The following PHF24 variants were observed in gnomAD, a reference collection of about 807,000 sequenced individuals.
PHF24 encodes the protein Galpha inhibitory interacting protein.
Under a neutral mutation model 42.6 loss-of-function variants are expected in PHF24, and 25 were observed. The observed-to-expected ratio is 0.59, with a 90% CI of 0.43 to 0.82. PHF24 has a LOEUF of 0.82. PHF24 is among the 40% of genes least tolerant of loss of function. The pLI, the probability that PHF24 is intolerant of heterozygous loss-of-function variation, is 0.00. For missense variants in PHF24, 470 were observed against 538.1 expected (o/e 0.87, Z 1.25); for synonymous variants, 185 against 204.8 (o/e 0.90, Z 0.83).
chr9:34,976,095 C>T, intron 3 of PHF24, 57 bp from the exon 4 acceptor site: 5 of 1,205,916 alleles, frequency 4.1e-6, no homozygotes, highest in Non-Finnish European at 6.2e-6. Context: ...GCCCCCTTGA[C>T]CCTGGCCTTT....
At chr9:34,969,634 C>CT (rs1826902312) in intron 1 of PHF24, among the ~76,000 whole-genome samples, 1 of 145,568 alleles carries the variant, frequency 6.9e-6, no homozygotes, top group African/African-American at 2.6e-5. Context: ...GAGCGAGACT[C>CT]TGTCTCAAAA....
At chr9:34,831,378 G>T in the PHF24 span, among the ~76,000 whole-genome samples, 1 of 152,162 alleles carries the variant, frequency 6.6e-6, no homozygotes, top group Non-Finnish European at 1.5e-5. Context: ...GTGGAGAAGG[G>T]CTCCAGGCAC....
chr9:34,936,353 A>C, the PHF24 span, among the ~76,000 whole-genome samples: 1 of 152,182 alleles, frequency 6.6e-6, no homozygotes, highest in Non-Finnish European at 1.5e-5. Context: ...TTGCAGACGG[A>C]GTCTCGTTCA....
At chr9:34,946,789 C>T in the PHF24 span, among the ~76,000 whole-genome samples, 35 of 151,696 alleles carry the variant, frequency 2.3e-4, no homozygotes, top group African/African-American at 8.2e-4. Context: ...AAGATCCAGA[C>T]CAGGGTGATG....
At chr9:34,955,607 G>T (rs1826354410), upstream of PHF24, among the ~76,000 whole-genome samples, 3 of 152,272 alleles carry the variant, frequency 2.0e-5, no homozygotes, top group South Asian at 6.2e-4. Context: ...AACCTGGGAG[G>T]CGGAGGTTGC....
chr9:34,867,523 G>A, the PHF24 span, among the ~76,000 whole-genome samples: 1 of 152,166 alleles, frequency 6.6e-6, no homozygotes, highest in South Asian at 2.1e-4. Flanking sequence ...GGCTTCAAGA[G>A]CACTGTAGTA....
chr9:34,948,519 TA>T, the PHF24 span, among the ~76,000 whole-genome samples: 34 of 152,182 alleles, frequency 2.2e-4, no homozygotes, highest in African/African-American at 7.7e-4. Context: ...GTACCTTTTA[TA>T]TGGTTAGATA....
the PHF24 span, among the ~76,000 whole-genome samples, chr9:34,694,695 C>G: frequency 6.6e-6 from 1 of 152,108 alleles, no homozygotes; most frequent in East Asian, 1.9e-4. Flanking sequence ...TCTCAAATTC[C>G]TGACCTCAGG....
the PHF24 span, among the ~76,000 whole-genome samples, chr9:34,780,416 C>A: frequency 3.3e-5 from 5 of 149,316 alleles, no homozygotes; most frequent in Non-Finnish European, 5.9e-5. Context: ...CCCGCCTCAG[C>A]CTCCCGAGTA....
At chr9:34,848,032 G>A in the PHF24 span, among the ~76,000 whole-genome samples, 26 of 152,202 alleles carry the variant, frequency 1.7e-4, no homozygotes, top group Middle Eastern at 3.4e-3. Flanking sequence ...TTGCATCAAT[G>A]TTCATCAAGG....
At chr9:34,826,524 CTT>C in the PHF24 span, among the ~76,000 whole-genome samples, 5 of 152,218 alleles carry the variant, frequency 3.3e-5, no homozygotes, top group Non-Finnish European at 5.9e-5. Context: ...TCCTGTGTCC[CTT>C]GCCCTCCCTG....
At chr9:34,953,400 G>A (rs1227657523), upstream of PHF24, among the ~76,000 whole-genome samples, 4 of 152,078 alleles carry the variant, frequency 2.6e-5, no homozygotes, top group African/African-American at 9.7e-5. The surrounding 1 kb of genome is among the most constrained non-coding windows in gnomAD (Gnocchi z 4.1). Context: ...ATCCTCTGAA[G>A]GCACTGGGAT....
the PHF24 span, chr9:34,888,917 G>A: frequency 5.1e-6 from 2 of 395,864 alleles, no homozygotes; most frequent in Non-Finnish European, 8.9e-6. Context: ...TCTAGGGTGG[G>A]GCTGGGAGGA....
the PHF24 span, chr9:34,833,511 C>T: frequency 1.3e-6 from 2 of 1,551,310 alleles, no homozygotes; most frequent in East Asian, 4.9e-5. Flanking sequence ...TTTAGACTTT[C>T]AAGAGACTTC....
chr9:34,892,259 A>G, the PHF24 span, among the ~76,000 whole-genome samples: 44 of 152,318 alleles, frequency 2.9e-4, no homozygotes, highest in African/African-American at 9.1e-4. Context: ...CTCTGAGTCC[A>G]TAGTGGATCC....
the PHF24 span, among the ~76,000 whole-genome samples, chr9:34,915,026 C>CTTTTTTTTTTT: frequency 8.7e-3 from 324 of 37,234 alleles, no homozygotes; most frequent in Non-Finnish European, 0.01. Context: ...TTTTTCTTTT[C>CTTTTTTTTTTT]TTTTTTTTTT....
At chr9:34,886,248 C>G in the PHF24 span, among the ~76,000 whole-genome samples, 1 of 71,578 alleles carries the variant, frequency 1.4e-5, no homozygotes, top group Non-Finnish European at 2.9e-5. Flanking sequence ...GACTAAATCT[C>G]CTGTCTTAAA....
chr9:34,757,439 G>A, the PHF24 span, among the ~76,000 whole-genome samples: 1 of 152,050 alleles, frequency 6.6e-6, no homozygotes, highest in African/African-American at 2.4e-5. Flanking sequence ...ATAGTTTGGG[G>A]TTTTCTATGT....
the PHF24 span, among the ~76,000 whole-genome samples, chr9:34,852,455 T>C: frequency 2.0e-5 from 3 of 152,216 alleles, no homozygotes; most frequent in Non-Finnish European, 2.9e-5. Context: ...TCTTATAAGA[T>C]GGGTCTGGGA....
Sources: allele counts gnomAD v4.1 joint callset (sites outside exome capture counted in the v4.1 genomes callset), GRCh38; gene constraint gnomAD v4.1.1; non-coding constraint Gnocchi (gnomAD v3.1); transcripts MANE v1.5; gene names NCBI Gene and HGNC (gene_info 2026-07-23, HGNC 2026-07-21).